PLEKHO1: variants seen among roughly 807,000 people sequenced by gnomAD.
PLEKHO1 encodes pleckstrin homology domain containing O1, also known as pleckstrin homology domain-containing family O member 1.
PLEKHO1 carries 22 observed loss-of-function variants against 41.4 expected under a neutral mutation model. The ratio of observed to expected loss-of-function variants is 0.53; its 90% CI spans 0.38 to 0.76. The LOEUF (loss-of-function observed/expected upper bound fraction) is 0.76, where lower values mean the gene tolerates loss of function less well. Ranked by LOEUF, PLEKHO1 falls within the 30% of genes least tolerant of loss-of-function variation. The pLI is 0.00. For missense variants in PLEKHO1, 488 were observed against 518.3 expected (o/e 0.94, Z 0.57); for synonymous variants, 225 against 210.8 (o/e 1.07, Z -0.58).
At chr1:150,158,722 G>A (rs138044477) in intron 5 of PLEKHO1, 97 bp from the exon 6 acceptor site, 2 of 831,386 alleles carry the variant, frequency 2.4e-6, no homozygotes, top group East Asian at 2.4e-5. Flanking sequence ...AGGAAGGCTT[G>A]TAGAGGAAAA....
intron 5 of PLEKHO1, 71 bp from the exon 6 acceptor site, chr1:150,158,748 T>A: frequency 9.7e-7 from 1 of 1,034,408 alleles, no homozygotes. Flanking sequence ...ACAGCTTGCA[T>A]CTTTTAGGCA....
At chr1:150,150,800 G>A in intron 1 of PLEKHO1, 112 bp from the exon 2 acceptor site, 3 of 992,366 alleles carry the variant, frequency 3.0e-6, no homozygotes, top group East Asian at 2.5e-5. Flanking sequence ...CCGCCCCCCG[G>A]CCGCAGCCTT....
In PLEKHO1 at chr1:150,151,071, T is replaced by C. The variant is rs782041653; in HGVS notation, c.177+13T>C. The C allele has an allele frequency of 1.2e-6, 2 of 1,613,696 alleles. No individual in the cohort carries two copies. The highest frequency in any genetic ancestry group is 1.7e-6 in the Non-Finnish European group (2 of 1,179,708). ...CTCTGAGAAGGAGGTGGGTGCCTCT[T>C]GCCTCTAACTCTCCGTTTTCTCATA... On this transcript the variant is annotated intron_variant, in intron 2 of 5. Coordinates refer to ENST00000369124, the MANE Select transcript of PLEKHO1 (RefSeq NM_016274.6).
chr1:150,157,068 C>A, intron 4 of PLEKHO1, 53 bp downstream of exon 4: 1 of 1,122,196 alleles, frequency 8.9e-7, no homozygotes, highest in Non-Finnish European at 1.4e-6. Flanking sequence ...GAGGGAACAG[C>A]TGTGACCCAC....
At chr1:150,158,531 C>CAA (rs1285075943) in intron 5 of PLEKHO1, among the ~76,000 whole-genome samples, 70 of 148,984 alleles carry the variant, frequency 4.7e-4, no homozygotes, top group Middle Eastern at 3.4e-3. Flanking sequence ...GCTAAAAATA[C>CAA]AAAAAAAAAG....
chr1:150,159,197 C>A lies in PLEKHO1; in HGVS notation c.904C>A (p.Pro302Thr). 6.2e-7 allele frequency: 1 copy of A among 1,613,980 alleles called. No individual in the cohort carries two copies. ...EEPPTPALPN[P>T]GQLSRIQDLV... ...ACCCCCAACCCCTGCCCTCCCCAAC[C>A]CGGGGCAGCTGTCCCGGATCCAGGA... Residue 302 changes from proline to threonine, a missense_variant, in exon 6 of 6, where the codon CCG (proline) becomes ACG (threonine). Pro to Thr is a conservative substitution (Grantham distance 38). Coordinates refer to ENST00000369124, the MANE Select transcript of PLEKHO1 (RefSeq NM_016274.6).
At position 150,153,243 on chromosome 1, in the gene PLEKHO1, A is replaced by G. The variant is rs587610751; in HGVS notation, c.177+2185A>G. On this transcript the variant is annotated intron_variant, in intron 2 of 5. Coordinates refer to ENST00000369124, the MANE Select transcript of PLEKHO1 (RefSeq NM_016274.6). ...CACTCTGTCGCCCACGCTGGAGTGC[A>G]GTGTCACAATCGTAGCTCACTGCTG... 1.2e-3 allele frequency among the ~76,000 whole-genome samples: 188 copies of G among 152,266 alleles called. 1 individual carries two copies. In the South Asian group the frequency reaches 0.018, roughly 14 times the overall value.
chr1:150,158,560 A>G (rs975924297), intron 5 of PLEKHO1, among the ~76,000 whole-genome samples: 4 of 151,382 alleles, frequency 2.6e-5, no homozygotes, highest in Non-Finnish European at 5.9e-5. Context: ...GTGGTGGTGC[A>G]CGCATGTAAT....
chr1:150,149,903 G>C (rs1163969103), upstream of PLEKHO1: 1 of 151,214 alleles, frequency 6.6e-6, no homozygotes, highest in Non-Finnish European at 1.5e-5. Flanking sequence ...GCGGGGTGCG[G>C]ACTGGGCCGC....
chr1:150,157,351 A>T (rs1660215470), intron 4 of PLEKHO1, 34 bp from the exon 5 acceptor site: 1 of 1,495,550 alleles, frequency 6.7e-7, no homozygotes, highest in South Asian at 1.1e-5. Context: ...CGAGTCGCTG[A>T]AGAGCACTCA....
intron 5 of PLEKHO1, 49 bp downstream of exon 5, chr1:150,157,535 T>A: frequency 7.6e-7 from 1 of 1,316,010 alleles, no homozygotes; most frequent in Non-Finnish European, 1.1e-6. Context: ...TCTGTGTCAG[T>A]CCATCTCAGA....
rs1203620092 is a variant in PLEKHO1, at chr1:150,150,944, G to A, written c.63G>A (p.Pro21=). 1.9e-6 allele frequency: 3 copies of A among 1,613,908 alleles called. No individual in the cohort carries two copies. The highest frequency in any genetic ancestry group is 1.6e-4 in the Middle Eastern group (1 of 6,078). Residue 21 remains proline, a synonymous_variant, in exon 2 of 6, where the codon CCG becomes CCA. Coordinates refer to ENST00000369124, the MANE Select transcript of PLEKHO1 (RefSeq NM_016274.6). ...AGGATGGAAACCAGCAGCCTGCACC[G>A]CCCGAGAAGGTCGGCTGGGTCCGGA... ...GPQDGNQQPA[P]PEKVGWVRKF...
intron 1 of PLEKHO1, 25 bp downstream of exon 1, chr1:150,150,312 G>A (rs782571828): frequency 2.3e-4 from 246 of 1,055,326 alleles, no homozygotes; most frequent in Non-Finnish European, 2.8e-4. Flanking sequence ...CCGCCCTGCG[G>A]CCGCCGCCGC....
At chr1:150,157,273 C>A in intron 4 of PLEKHO1, 112 bp from the exon 5 acceptor site, 1 of 850,198 alleles carries the variant, frequency 1.2e-6, no homozygotes. Flanking sequence ...AGTAAATCCC[C>A]TTGCCCATTC....
At chr1:150,151,387 TTTTC>T (rs1377357987) in intron 2 of PLEKHO1, among the ~76,000 whole-genome samples, 3 of 152,244 alleles carry the variant, frequency 2.0e-5, no homozygotes, top group African/African-American at 7.2e-5. Flanking sequence ...ATAGGATTTC[TTTTC>T]TATTTCTGCT....
chr1:150,157,593 C>T (rs1660227493), intron 5 of PLEKHO1, 107 bp downstream of exon 5: 1 of 732,602 alleles, frequency 1.4e-6, no homozygotes, highest in African/African-American at 1.8e-5. Context: ...TCCTTGATGC[C>T]AAGATCAAAG....
chr1:150,157,459 C>A lies in PLEKHO1; in HGVS notation c.498C>A (p.Pro166=). ...DRAKIQHSRR[P]PTRGHLMAVA... is the part of the protein sequence containing the mutation. ...CAAAAATCCAGCACTCCCGCCGCCC[C>A]CCAACAAGGGGACACCTAATGGCTG... Residue 166 remains proline (P), a synonymous_variant, in exon 5 of 6, where the codon CCC becomes CCA. Coordinates refer to ENST00000369124, the MANE Select transcript of PLEKHO1 (RefSeq NM_016274.6). The A allele has an allele frequency of 6.2e-7, 1 of 1,613,718 alleles. No homozygotes were observed. Among genetic ancestry groups the A allele is most frequent in the Non-Finnish European group, 8.5e-7 (1 of 1,179,630 alleles).
In PLEKHO1 at chr1:150,159,068, A is replaced by C. The variant is rs1171225416; in HGVS notation, c.775A>C (p.Lys259Gln). Residue 259 changes from lysine (K) to glutamine (Q), a missense_variant, in exon 6 of 6, where the codon AAG becomes CAG. Transcript: ENST00000369124. ...GGCCACCTACACCCCCCAGGCACCC[A>C]AGAAGTTGACGCCCACAGAGAAAGG... is the stretch of plus-strand genomic sequence containing the variant. Reference protein sequence around the residue: ...KGATYTPQAPKKLTPTEKGRC... With the variant: ...KGATYTPQAPQKLTPTEKGRC... 5 of 1,613,946 alleles carry C rather than the reference A, an allele frequency of 3.1e-6. No homozygotes were observed. In the Admixed American group the frequency reaches 6.7e-5, roughly 22 times the overall value.
intron 2 of PLEKHO1, chr1:150,152,970 A>G (rs1199979840): frequency 4.6e-5 from 7 of 152,216 alleles, no homozygotes; most frequent in Non-Finnish European, 1.0e-4. Context: ...CTGGTGTCCT[A>G]TGAGTCAGGA....
Sources: allele counts gnomAD v4.1 joint callset (sites outside exome capture counted in the v4.1 genomes callset), GRCh38; gene constraint gnomAD v4.1.1; transcripts MANE v1.5; gene names NCBI Gene and HGNC (gene_info 2026-07-23, HGNC 2026-07-21).